Variants in ASAP1 observed in about 807,000 individuals in gnomAD.
ASAP1 encodes arf-GAP with SH3 domain, ANK repeat and PH domain-containing protein 1.
ASAP1 carries 43 observed loss-of-function variants against 145.2 expected under a neutral mutation model. The observed-to-expected ratio is 0.30, with a 90% CI of 0.23 to 0.38. The LOEUF (loss-of-function observed/expected upper bound fraction) is 0.38. Among genes scored for constraint, ASAP1 ranks in the 10% least tolerant of loss-of-function variants. ASAP1 has a pLI of 1.00. For missense variants in ASAP1, 1,018 were observed against 1,355.3 expected (o/e 0.75, Z 3.91); for synonymous variants, 546 against 515.5 (o/e 1.06, Z -0.80).
At chr8:130,116,540 A>T in intron 22 of ASAP1, 138 bp downstream of exon 22, 1 of 730,882 alleles carries the variant, frequency 1.4e-6, no homozygotes, top group Non-Finnish European at 2.3e-6. Flanking sequence ...CTAATGTAGC[A>T]CATTGCTCAT....
In ASAP1 at chr8:130,055,618, T is replaced by C. The variant is rs1395498823; in HGVS notation, c.3316-813A>G. ...GAAGAATACTGTGAAAGTTTGAGAC[T>C]GATGGTGGCGAATGGCAATTTTATT... On this transcript the variant is annotated intron_variant, in intron 29 of 29. Coordinates refer to ENST00000518721, the MANE Select transcript of ASAP1 (RefSeq NM_018482.4). 2.0e-5 allele frequency among the ~76,000 whole-genome samples: 3 copies of C among 152,212 alleles called. No homozygotes were observed. The South Asian group carries it at 6.2e-4, about 31-fold the overall frequency.
At chr8:130,384,749 G>A (rs112955678) in intron 2 of ASAP1, among the ~76,000 whole-genome samples, 2,305 of 152,168 alleles carry the variant, frequency 0.015, 62 homozygotes, top group African/African-American at 0.051. Context: ...TTATTATCTG[G>A]GGAATGTTGG....
intron 1 of ASAP1, among the ~76,000 whole-genome samples, chr8:130,424,806 A>G (rs1829853002): frequency 6.6e-6 from 1 of 152,058 alleles, no homozygotes; most frequent in Non-Finnish European, 1.5e-5. Context: ...ATCTTGGCTA[A>G]CACGATGAAA....
intron 16 of ASAP1, among the ~76,000 whole-genome samples, chr8:130,126,885 C>T (rs1175533115): frequency 6.6e-6 from 1 of 152,194 alleles, no homozygotes; most frequent in Non-Finnish European, 1.5e-5. Context: ...GGTTTGCATC[C>T]TTGTTCTGAC....
chr8:130,276,648 G>T (rs527742040), intron 3 of ASAP1, among the ~76,000 whole-genome samples: 2 of 149,580 alleles, frequency 1.3e-5, no homozygotes, highest in Admixed American at 1.3e-4. Context: ...TTGTGATTGG[G>T]ATTTGCAGGC....
chr8:130,266,860 C>G (rs1820277479), intron 3 of ASAP1, among the ~76,000 whole-genome samples: 1 of 151,520 alleles, frequency 6.6e-6, no homozygotes, highest in Non-Finnish European at 1.5e-5. Context: ...TCAAAGGAAC[C>G]ATTAAAATAG....
intron 27 of ASAP1, among the ~76,000 whole-genome samples, chr8:130,070,321 G>A (rs1022944149): frequency 6.6e-6 from 1 of 152,176 alleles, no homozygotes; most frequent in Non-Finnish European, 1.5e-5. Context: ...ACAGGCGTGA[G>A]CCACCGTGCC....
chr8:130,107,461 A>G (rs1347672842), intron 24 of ASAP1, among the ~76,000 whole-genome samples: 5 of 150,684 alleles, frequency 3.3e-5, no homozygotes. Context: ...CTGGGATTAC[A>G]GGTGTGAGCC....
rs201476130 is a variant in ASAP1 at position 130,215,338 on chromosome 8, CTG to C, written c.260-639_260-638del. Among the ~76,000 whole-genome samples the C allele has an allele frequency of 6.6e-3, 1,009 of 152,308 alleles. 13 individuals carry two copies. The highest frequency in any genetic ancestry group is 0.023 in the African/African-American group (967 of 41,556). ...ATTGACTGGGTATGGTGGCTCACGC[CTG>C]TAATCCTAGAACTTTGGGAGGCTAA... On this transcript the variant is annotated intron_variant, in intron 4 of 29. Coordinates refer to ENST00000518721, the MANE Select transcript of ASAP1 (RefSeq NM_018482.4).
chr8:130,152,837 G>A (rs1246655756), intron 12 of ASAP1, 32 bp from the exon 13 acceptor site: 1 of 1,516,680 alleles, frequency 6.6e-7, no homozygotes, highest in Non-Finnish European at 9.1e-7. Context: ...ACTAGATATA[G>A]TAACTGATTC....
chr8:130,348,083 C>A (rs1360047552), intron 3 of ASAP1, among the ~76,000 whole-genome samples: 1 of 152,204 alleles, frequency 6.6e-6, no homozygotes, highest in Non-Finnish European at 1.5e-5. Context: ...ATAACATAGT[C>A]CTCACTATAC....
chr8:130,347,684 G>A (rs777859826), intron 3 of ASAP1, among the ~76,000 whole-genome samples: 35 of 152,284 alleles, frequency 2.3e-4, no homozygotes, highest in South Asian at 6.2e-4. Flanking sequence ...ACTGGAGCAA[G>A]GGTGGTCTCC....
At chr8:130,335,762 A>C (rs1171008722) in intron 3 of ASAP1, among the ~76,000 whole-genome samples, 2 of 152,226 alleles carry the variant, frequency 1.3e-5, no homozygotes, top group South Asian at 2.1e-4. Flanking sequence ...AGATAGTCTG[A>C]GGTTAAGAAA....
intron 3 of ASAP1, among the ~76,000 whole-genome samples, chr8:130,267,299 G>GCTAT (rs1565153952): frequency 1.3e-5 from 2 of 152,082 alleles, no homozygotes; most frequent in African/African-American, 4.8e-5. Flanking sequence ...AGTAACAAGA[G>GCTAT]CTATAGTAGT....
chr8:130,443,647 C>A lies in ASAP1; in HGVS notation c.-215G>T, dbSNP rs1040873765. 6.6e-6 allele frequency: 1 copy of A among 151,826 alleles called. No homozygotes were observed. The highest frequency in any genetic ancestry group is 1.5e-5 in the Non-Finnish European group (1 of 68,080). The allele number at this position is 151,826 out of a possible 1,614,324, so 9.4% of individuals were successfully genotyped here. On this transcript the variant is annotated 5_prime_UTR_variant, in exon 1 of 30. Coordinates refer to ENST00000518721, the MANE Select transcript of ASAP1 (RefSeq NM_018482.4). ...CCAGGCGAGGCGCGGGAGCCGAGCG[C>A]GGCGCAGGAAGGGGCGGGCGACCAT...
At chr8:130,306,283 G>C (rs1822987493) in intron 3 of ASAP1, among the ~76,000 whole-genome samples, 1 of 152,150 alleles carries the variant, frequency 6.6e-6, no homozygotes, top group Non-Finnish European at 1.5e-5. Context: ...TTATCATTTA[G>C]CAAGTCATTC....
chr8:130,443,163 T>C lies in ASAP1; in HGVS notation c.-28+297A>G, dbSNP rs1352671192. 2.0e-5 allele frequency among the ~76,000 whole-genome samples: 3 copies of C among 151,514 alleles called. No homozygotes were observed. In the East Asian group the frequency reaches 5.9e-4, roughly 30 times the overall value. ...GCGAAACCCCCCAGGGCGGGCCCCG[T>C]CCCCGGCCCCACTGCAGGGGCCCCC... On this transcript the variant is annotated intron_variant, in intron 1 of 29. Coordinates refer to ENST00000518721, the MANE Select transcript of ASAP1 (RefSeq NM_018482.4).
At chr8:130,161,271 T>G (rs2097668673) in intron 11 of ASAP1, among the ~76,000 whole-genome samples, 1 of 152,182 alleles carries the variant, frequency 6.6e-6, no homozygotes, top group South Asian at 2.1e-4. Flanking sequence ...AATGTGATAG[T>G]GTCGAGGTAA....
intron 3 of ASAP1, among the ~76,000 whole-genome samples, chr8:130,332,643 C>T (rs73417909): frequency 0.27 from 40,780 of 152,024 alleles, 5,599 homozygotes; most frequent in South Asian, 0.4. Flanking sequence ...TTTTTTCCCT[C>T]TTCTGAATGG....
Sources: gnomAD v4.1 joint callset for allele counts (sites outside exome capture counted in the v4.1 genomes callset) on GRCh38, gnomAD v4.1.1 for gene constraint, MANE v1.5 for transcripts, NCBI Gene and HGNC (gene_info 2026-07-23, HGNC 2026-07-21) for gene names.